The following PRKCQ variants were observed in gnomAD, a reference collection of about 807,000 sequenced individuals.
PRKCQ encodes protein kinase C theta.
A neutral mutation model predicts 91.2 loss-of-function variants in PRKCQ; 41 were observed. The ratio of observed to expected loss-of-function variants is 0.45; its 90% CI spans 0.35 to 0.58. PRKCQ has a LOEUF of 0.58. PRKCQ is among the 20% of genes least tolerant of loss of function. The probability of loss-of-function intolerance (pLI) is 0.00; values close to 1 mark genes in which losing one functional copy is unlikely to be tolerated. For synonymous variants in PRKCQ, 307 were observed against 316.9 expected (o/e 0.97, Z 0.33); for missense variants, 673 against 896.5 (o/e 0.75, Z 3.18).
intron 15 of PRKCQ, among the ~76,000 whole-genome samples, chr10:6,444,494 GA>G (rs1029940043): frequency 6.6e-5 from 10 of 151,808 alleles, no homozygotes; most frequent in Admixed American, 5.9e-4. Context: ...GGAAAAGAGG[GA>G]AAAAAAATCT....
At chr10:6,558,580 T>C (rs377736378) in intron 1 of PRKCQ, among the ~76,000 whole-genome samples, 11 of 152,282 alleles carry the variant, frequency 7.2e-5, no homozygotes, top group African/African-American at 2.6e-4. Flanking sequence ...GGGTGTAACA[T>C]GAAGATCTGA....
At chr10:6,544,080 C>A (rs982077525) in intron 1 of PRKCQ, among the ~76,000 whole-genome samples, 2 of 152,238 alleles carry the variant, frequency 1.3e-5, no homozygotes, top group Middle Eastern at 3.4e-3. Context: ...TACTATGGTA[C>A]CTTTACCATC....
At position 6,430,843 on chromosome 10, in the gene PRKCQ, C is replaced by T; in HGVS notation, c.1932G>A (p.Arg644=). 1 of 1,614,158 alleles carries T rather than the reference C, an allele frequency of 6.2e-7. No homozygotes were observed. Among genetic ancestry groups the T allele is most frequent in the Non-Finnish European group, 8.5e-7 (1 of 1,180,018 alleles). ...FREINWEELE[R]KEIDPPFRPK... is the part of the protein sequence containing the mutation. ...GCCGGAACGGTGGGTCAATCTCCTT[C>T]CGTTCAAGTTCCTCCCAGTTGATCT... Residue 644 remains arginine (R), a synonymous_variant, in exon 17 of 18, where the codon CGG becomes CGA. Coordinates refer to ENST00000263125, the MANE Select transcript of PRKCQ (RefSeq NM_006257.5). The surrounding 1 kb of genome is among the most constrained non-coding windows in gnomAD (Gnocchi z 4.7).
Position 6,576,537 on chromosome 10 carries a change from C to G in PRKCQ, c.-10+3674G>C, listed in dbSNP as rs1049481756. ...GAAGTAGAAGGGTGGCTGCCAGGGG[C>G]TGAGAGGAAAGACGGATGAGGAACG... On this transcript the variant is annotated intron_variant, in intron 1 of 17. Coordinates refer to ENST00000263125, the MANE Select transcript of PRKCQ (RefSeq NM_006257.5). The surrounding 1 kb of genome is among the most constrained non-coding windows in gnomAD (Gnocchi z 4.2). Among the ~76,000 whole-genome samples, 1 of 152,072 alleles carries G rather than the reference C, an allele frequency of 6.6e-6. No individual in the cohort carries two copies. Among genetic ancestry groups the G allele is most frequent in the African/African-American group, 2.4e-5 (1 of 41,380 alleles).
intron 7 of PRKCQ, among the ~76,000 whole-genome samples, chr10:6,493,129 G>C (rs1837412463): frequency 6.6e-6 from 1 of 152,188 alleles, no homozygotes; most frequent in Non-Finnish European, 1.5e-5. Context: ...AGACACCATG[G>C]CTGATGAAGA....
At chr10:6,543,685 C>T (rs1476586186) in intron 1 of PRKCQ, among the ~76,000 whole-genome samples, 1 of 152,148 alleles carries the variant, frequency 6.6e-6, no homozygotes, top group Non-Finnish European at 1.5e-5. Context: ...CTGACAAGGC[C>T]CACGGTTCTG....
the PRKCQ span, among the ~76,000 whole-genome samples, chr10:6,412,372 T>C: frequency 6.6e-6 from 1 of 152,196 alleles, no homozygotes; most frequent in Admixed American, 6.5e-5. Context: ...CCAATAAAAA[T>C]ATCAAAAGGG....
intron 16 of PRKCQ, among the ~76,000 whole-genome samples, chr10:6,436,922 G>A (rs1833725416): frequency 6.6e-6 from 1 of 152,168 alleles, no homozygotes; most frequent in Non-Finnish European, 1.5e-5. Flanking sequence ...CTGGCCTGAA[G>A]TATTGCATAT....
intron 1 of PRKCQ, among the ~76,000 whole-genome samples, chr10:6,546,246 T>C (rs1279280478): frequency 1.3e-5 from 2 of 152,162 alleles, no homozygotes; most frequent in East Asian, 1.9e-4. Context: ...CAATTAATAG[T>C]AAGCGTCTTA....
At chr10:6,474,378 C>T (rs752900744) in intron 12 of PRKCQ, among the ~76,000 whole-genome samples, 1 of 152,208 alleles carries the variant, frequency 6.6e-6, no homozygotes, top group Non-Finnish European at 1.5e-5. Context: ...GAAATAGTAA[C>T]ACTACTTAAA....
the PRKCQ span, among the ~76,000 whole-genome samples, chr10:6,404,197 A>G: frequency 6.7e-6 from 1 of 148,478 alleles, no homozygotes; most frequent in African/African-American, 2.5e-5. Flanking sequence ...GGCATTAAAG[A>G]GAAAGAGAAA....
chr10:6,539,976 G>A (rs945307683), intron 1 of PRKCQ, among the ~76,000 whole-genome samples: 2 of 152,168 alleles, frequency 1.3e-5, no homozygotes, highest in African/African-American at 4.8e-5. Flanking sequence ...TGAATAAGTG[G>A]AATTCATGTA....
At chr10:6,462,762 T>C (rs541680266) in intron 13 of PRKCQ, among the ~76,000 whole-genome samples, 1 of 152,186 alleles carries the variant, frequency 6.6e-6, no homozygotes, top group Non-Finnish European at 1.5e-5. Flanking sequence ...CCTAGCACTT[T>C]GGGAGGCCCA....
intron 1 of PRKCQ, among the ~76,000 whole-genome samples, chr10:6,522,434 T>C (rs1301536982): frequency 6.6e-6 from 1 of 152,200 alleles, no homozygotes; most frequent in Non-Finnish European, 1.5e-5. Flanking sequence ...CTCTGGACAC[T>C]GACTCACCTA....
At chr10:6,532,004 A>G (rs1839415806) in intron 1 of PRKCQ, among the ~76,000 whole-genome samples, 1 of 152,194 alleles carries the variant, frequency 6.6e-6, no homozygotes, top group Non-Finnish European at 1.5e-5. Flanking sequence ...TGGCCGGGCC[A>G]GTGTTTGACT....
At chr10:6,422,781 C>T (rs763619910), downstream of PRKCQ, among the ~76,000 whole-genome samples, 10 of 152,238 alleles carry the variant, frequency 6.6e-5, no homozygotes, top group African/African-American at 1.4e-4. Flanking sequence ...AGTGAAGAAA[C>T]GACATGGAAG....
In PRKCQ at chr10:6,467,385, C is replaced by G. The variant is rs868578115; in HGVS notation, c.1354-2981G>C. ...AGAGAGAGAGAGAGACAGAGAGAGA[C>G]AGACAGAGAGAGAGAGAGAGAGAGA... On this transcript the variant is annotated intron_variant, in intron 12 of 17. Transcript: ENST00000263125. Among the ~76,000 whole-genome samples the G allele has an allele frequency of 4.5e-3, 178 of 39,432 alleles. 2 individuals carry two copies. Among genetic ancestry groups the G allele is most frequent in the Non-Finnish European group, 5.0e-3 (107 of 21,352 alleles). The allele number at this position is 39,432 out of a possible 152,430, so 25.9% of individuals were successfully genotyped here.
downstream of PRKCQ, among the ~76,000 whole-genome samples, chr10:6,424,340 T>G (rs1382267864): frequency 6.6e-6 from 1 of 152,184 alleles, no homozygotes; most frequent in Admixed American, 6.5e-5. Context: ...GACCCTGTCC[T>G]CTCATCTAGC....
In PRKCQ at chr10:6,430,291, T is replaced by C. The variant is rs1365576789; in HGVS notation, c.1965+519A>G. On this transcript the variant is annotated intron_variant, in intron 17 of 17. Coordinates refer to ENST00000263125, the MANE Select transcript of PRKCQ (RefSeq NM_006257.5). The surrounding 1 kb of genome is among the most constrained non-coding windows in gnomAD (Gnocchi z 4.7). ...TGGAAATGTACAGACCTATCTTTTT[T>C]AAAGCACGGATTTAGTTAGTTTCTC... Among the ~76,000 whole-genome samples the C allele has an allele frequency of 6.6e-6, 1 of 152,242 alleles. No individual in the cohort carries two copies. The highest frequency in any genetic ancestry group is 2.4e-5 in the African/African-American group (1 of 41,456).
Sources: allele counts gnomAD v4.1 joint callset (sites outside exome capture counted in the v4.1 genomes callset), GRCh38; gene constraint gnomAD v4.1.1; non-coding constraint Gnocchi (gnomAD v3.1); transcripts MANE v1.5; gene names NCBI Gene and HGNC (gene_info 2026-07-23, HGNC 2026-07-21).